The following WDR25 variants were observed in gnomAD, a reference collection of about 807,000 sequenced individuals.
WDR25 encodes WD repeat domain 25.
In WDR25, 35 loss-of-function variants were observed where a neutral mutation model predicts 47.7. The observed-to-expected ratio is 0.73, with a 90% confidence interval of 0.56 to 0.97. The LOEUF is 0.97. Ranked by LOEUF, WDR25 falls within the 50% of genes least tolerant of loss-of-function variation. WDR25 has a pLI of 0.00. For missense variants in WDR25, 634 were observed against 704.7 expected, an observed-to-expected ratio of 0.90 and a Z score of 1.14; for synonymous variants, 248 against 278.9, an observed-to-expected ratio of 0.89 and a Z score of 1.10.
At position 100,481,197 on chromosome 14, in the gene WDR25, CT is replaced by C. The variant is rs1485898575; in HGVS notation, c.971-2796del. The C allele has an allele frequency of 8.2e-6, 4 of 488,180 alleles. No homozygotes were observed. In the African/African-American group the frequency reaches 8.3e-5, roughly 10 times the overall value. 30.2% of individuals were successfully genotyped at this position (488,180 alleles called of 1,614,324 possible). On this transcript the variant is annotated intron_variant, in intron 3 of 6. Transcript: ENST00000402312. ...AACCAAGAAACTAAAGTAGAGTTACCTGCAGAAAATGGGGAAATGAAAACTG... is the reference window on the plus strand; with the variant it reads ...AACCAAGAAACTAAAGTAGAGTTACCGCAGAAAATGGGGAAATGAAAACTG...
chr14:100,513,362 C>T (rs1901373952), intron 4 of WDR25, among the ~76,000 whole-genome samples: 1 of 152,160 alleles, frequency 6.6e-6, no homozygotes, highest in South Asian at 2.1e-4. Flanking sequence ...ATCTCTTCTG[C>T]CATGTGAGGA....
chr14:100,440,719 C>T lies in WDR25; in HGVS notation c.823-27302C>T, dbSNP rs1017466722. The stretch of plus-strand genomic sequence containing the variant: ...TAGGGAGAGCCAGAGCAGCAATTCT[C>T]AGGTCAGGATTATTTGGGAGATCCA... On this transcript the variant is annotated intron_variant, in intron 2 of 6. Transcript: ENST00000402312. The surrounding 1 kb of genome is among the most constrained non-coding windows in gnomAD (Gnocchi z 4.4). 7.2e-5 allele frequency among the ~76,000 whole-genome samples: 11 copies of T among 152,202 alleles called. 1 individual carries two copies. The highest frequency in any genetic ancestry group is 2.7e-4 in the African/African-American group (11 of 41,438).
intron 2 of WDR25, among the ~76,000 whole-genome samples, chr14:100,457,331 C>T (rs1243256242): frequency 6.6e-6 from 1 of 152,106 alleles, no homozygotes; most frequent in Admixed American, 6.5e-5. Flanking sequence ...ACATTACATA[C>T]AGAGGAGCAA....
Position 100,454,372 on chromosome 14 carries a change from G to T in WDR25, c.823-13649G>T, listed in dbSNP as rs138552903. On this transcript the variant is annotated intron_variant, in intron 2 of 6. Transcript: ENST00000402312. ...GGAGTATGTGTATGGCAGGTGTGAG[G>T]GTGGAGGTGAGGAGGTGGGGTGAAG... is the stretch of plus-strand genomic sequence containing the variant. 2.5e-4 allele frequency: 318 copies of T among 1,287,074 alleles called. 1 individual carries two copies. In the East Asian group the frequency reaches 0.014, roughly 55 times the overall value. The allele number at this position is 1,287,074 out of a possible 1,614,324, so 79.7% of individuals were successfully genotyped here.
At chr14:100,485,467 A>C (rs1302705164) in intron 4 of WDR25, among the ~76,000 whole-genome samples, 1 of 152,160 alleles carries the variant, frequency 6.6e-6, no homozygotes, top group Non-Finnish European at 1.5e-5. Flanking sequence ...TGACTGAGTA[A>C]ATGCCAGAGG....
At chr14:100,459,943 C>T (rs868525499) in intron 2 of WDR25, among the ~76,000 whole-genome samples, 1,235 of 90,276 alleles carry the variant, frequency 0.014, 10 homozygotes, top group Non-Finnish European at 0.017. Context: ...TATATATACA[C>T]ATACACATAC....
chr14:100,418,512 C>T (rs907945197), intron 2 of WDR25, among the ~76,000 whole-genome samples: 1 of 151,154 alleles, frequency 6.6e-6, no homozygotes, highest in Non-Finnish European at 1.5e-5. Context: ...CACACCTGTA[C>T]AAGTCCCAGC....
At chr14:100,384,061 A>G (rs892440064) in intron 2 of WDR25, among the ~76,000 whole-genome samples, 3 of 152,230 alleles carry the variant, frequency 2.0e-5, no homozygotes, top group Admixed American at 6.5e-5. Flanking sequence ...TGACACTGGC[A>G]TGGGCCCCTT....
chr14:100,527,033 CCAT>C (rs1291529778), intron 5 of WDR25, among the ~76,000 whole-genome samples: 3 of 36,376 alleles, frequency 8.2e-5, no homozygotes, highest in Non-Finnish European at 1.5e-4. Context: ...TGCACCACCA[CCAT>C]CACCACTCTA....
chr14:100,476,653 C>T (rs1900027438), intron 3 of WDR25: 1 of 152,214 alleles, frequency 6.6e-6, no homozygotes, highest in Admixed American at 6.5e-5. Flanking sequence ...ACTCATGTGG[C>T]TCTGAGCGAG....
At position 100,525,994 on chromosome 14, in the gene WDR25, C is replaced by G. The variant is rs2030113334; in HGVS notation, c.1226C>G (p.Ala409Gly). 1 of 1,613,942 alleles carries G rather than the reference C, an allele frequency of 6.2e-7. No individual in the cohort carries two copies. The highest frequency in any genetic ancestry group is 1.1e-5 in the South Asian group (1 of 91,084). ...TRDSADRTIIAWDFRTSAKIS... is the reference protein window; with the variant it reads ...TRDSADRTIIGWDFRTSAKIS... ...GACTCAGCTGACCGCACCATTATTG[C>G]CTGGGATTTCCGGACCTCTGCCAAA... Residue 409 changes from alanine to glycine, a missense_variant, in exon 5 of 7, where the codon GCC becomes GGC. Coordinates refer to ENST00000402312, the MANE Select transcript of WDR25 (RefSeq NM_001161476.3). The surrounding 1 kb of genome is among the most constrained non-coding windows in gnomAD (Gnocchi z 4.6).
chr14:100,433,831 A>G (rs1898414721), intron 2 of WDR25, among the ~76,000 whole-genome samples: 2 of 152,238 alleles, frequency 1.3e-5, no homozygotes, highest in African/African-American at 4.8e-5. Flanking sequence ...TTTTTGGCAC[A>G]GCAAGATATT....
intron 4 of WDR25, among the ~76,000 whole-genome samples, chr14:100,486,307 T>G (rs1900381251): frequency 3.3e-5 from 5 of 152,096 alleles, no homozygotes; most frequent in African/African-American, 9.7e-5. Context: ...ATACCGGATT[T>G]TTTCCCAGGG....
At chr14:100,490,089 G>T (rs1350128510) in intron 4 of WDR25, among the ~76,000 whole-genome samples, 1 of 152,226 alleles carries the variant, frequency 6.6e-6, no homozygotes, top group Non-Finnish European at 1.5e-5. Flanking sequence ...GCAGGCACGT[G>T]TCCTAACATG....
rs1322605627 is a variant in WDR25 at position 100,506,855 on chromosome 14, C to G, written c.1102-19015C>G. ...GTAGTTTGCAAATATTTCTCCTATTCTGTAGGTTGTCTGTTTACTCTCTGG... is the reference window on the plus strand; with the variant it reads ...GTAGTTTGCAAATATTTCTCCTATTGTGTAGGTTGTCTGTTTACTCTCTGG... On this transcript the variant is annotated intron_variant, in intron 4 of 6. Coordinates refer to ENST00000402312, the MANE Select transcript of WDR25 (RefSeq NM_001161476.3). The surrounding 1 kb of genome is among the most constrained non-coding windows in gnomAD (Gnocchi z 4.8). 6.6e-6 allele frequency among the ~76,000 whole-genome samples: 1 copy of G among 152,112 alleles called. No individual in the cohort carries two copies. The highest frequency in any genetic ancestry group is 1.9e-4 in the East Asian group (1 of 5,194).
Position 100,425,536 on chromosome 14 carries a change from T to C in WDR25, c.823-42485T>C, listed in dbSNP as rs1898143699. ...AAGATACCCGGGACAGAACCCGACT[T>C]TTGCACGTTACAGTAGAGGTCCCTG... On this transcript the variant is annotated intron_variant, in intron 2 of 6. Transcript: ENST00000402312. This position sits in a 1 kb window ranked among gnomAD's most constrained non-coding sequence, Gnocchi z 4.8. 6.6e-6 allele frequency among the ~76,000 whole-genome samples: 1 copy of C among 152,142 alleles called. No homozygotes were observed. Among genetic ancestry groups the C allele is most frequent in the Non-Finnish European group, 1.5e-5 (1 of 68,026 alleles).
At chr14:100,510,290 T>A (rs974300757) in intron 4 of WDR25, among the ~76,000 whole-genome samples, 60 of 150,978 alleles carry the variant, frequency 4.0e-4, no homozygotes, top group African/African-American at 1.4e-3. Context: ...AAAATTAATT[T>A]TTAGAGACAA....
intron 3 of WDR25, among the ~76,000 whole-genome samples, chr14:100,482,692 G>A (rs1183920706): frequency 6.6e-6 from 1 of 152,184 alleles, no homozygotes; most frequent in East Asian, 1.9e-4. Context: ...TCACTAATGT[G>A]TGGGGGTCAC....
At chr14:100,433,923 G>A (rs879634218) in intron 2 of WDR25, among the ~76,000 whole-genome samples, 2 of 152,038 alleles carry the variant, frequency 1.3e-5, no homozygotes, top group African/African-American at 4.8e-5. Context: ...GTGGAGAAAG[G>A]CATTTAGAAA....
Sources: gnomAD v4.1 joint callset for allele counts (sites outside exome capture counted in the v4.1 genomes callset) on GRCh38, gnomAD v4.1.1 for gene constraint, Gnocchi (gnomAD v3.1) non-coding constraint, MANE v1.5 for transcripts, NCBI Gene and HGNC (gene_info 2026-07-23, HGNC 2026-07-21) for gene names.